PHF20L1: variants seen among roughly 807,000 people sequenced by gnomAD.
PHF20L1 encodes the protein PHD finger protein 20-like protein 1.
PHF20L1 carries 44 observed loss-of-function variants against 125.5 expected under a neutral mutation model. The observed-to-expected ratio is 0.35, with a 90% CI of 0.28 to 0.45. The LOEUF (loss-of-function observed/expected upper bound fraction) is 0.45, where lower values mean the gene tolerates loss of function less well. Ranked by LOEUF, PHF20L1 falls within the 20% of genes least tolerant of loss-of-function variation. The pLI is 1.00. For synonymous variants in PHF20L1, 380 were observed against 403.1 expected (o/e 0.94, Z 0.69); for missense variants, 1,012 against 1,217.2 (o/e 0.83, Z 2.51).
At chr8:132,782,080 C>T (rs1256682364) in intron 2 of PHF20L1, among the ~76,000 whole-genome samples, 1 of 152,224 alleles carries the variant, frequency 6.6e-6, no homozygotes, top group Non-Finnish European at 1.5e-5. Flanking sequence ...TTTTTCACCA[C>T]AAACTCTGTG....
chr8:132,808,241 A>G (rs1833958984), intron 8 of PHF20L1: 1 of 152,360 alleles, frequency 6.6e-6, no homozygotes, highest in Middle Eastern at 3.2e-3. Flanking sequence ...GTTTTTCTTA[A>G]GTCTCATTAC....
Position 132,839,388 on chromosome 8 carries a change from T to G in PHF20L1, c.2193T>G (p.Gly731=). The G allele has an allele frequency of 6.2e-6, 10 of 1,609,556 alleles. No individual in the cohort carries two copies. The highest frequency in any genetic ancestry group is 7.7e-6 in the Non-Finnish European group (9 of 1,176,222). The change falls in exon 18 of 21, where the codon GGT becomes GGG. Residue 731 remains glycine, a splice_region_variant and synonymous_variant. Coordinates refer to ENST00000395386, the MANE Select transcript of PHF20L1 (RefSeq NM_016018.5). ...YICYICRDPP[G]QRWSAKYRYD... ...ATTTAATATCAACTTCATCTGCAGG[T>G]CAGAGGTGGAGTGCAAAATATCGTT...
intron 12 of PHF20L1, among the ~76,000 whole-genome samples, chr8:132,821,689 A>G (rs1835618331): frequency 1.3e-5 from 2 of 151,938 alleles, no homozygotes; most frequent in Admixed American, 1.3e-4. Flanking sequence ...GCATACCAGA[A>G]GAGGCTTGAG....
intron 14 of PHF20L1, among the ~76,000 whole-genome samples, chr8:132,828,197 A>G (rs1836398315): frequency 1.3e-5 from 2 of 152,010 alleles, no homozygotes. Context: ...TTACCACTCA[A>G]CATTATTTTA....
chr8:132,839,342 GAGTA>G, intron 17 of PHF20L1, 41 bp from the exon 18 acceptor site: 1 of 1,456,036 alleles, frequency 6.9e-7, no homozygotes, highest in Non-Finnish European at 9.6e-7. Flanking sequence ...TGAAAAATCC[GAGTA>G]AGTGCAGTCC....
At chr8:132,802,735 C>T (rs1016280326) in intron 6 of PHF20L1, among the ~76,000 whole-genome samples, 1 of 151,776 alleles carries the variant, frequency 6.6e-6, no homozygotes, top group Non-Finnish European at 1.5e-5. Context: ...TTATTGTTTT[C>T]ACCATATATT....
intron 12 of PHF20L1, among the ~76,000 whole-genome samples, chr8:132,821,548 A>G (rs1186594687): frequency 6.6e-6 from 1 of 151,984 alleles, no homozygotes; most frequent in Non-Finnish European, 1.5e-5. Flanking sequence ...CGTTCAAAAC[A>G]AAACTACAGC....
intron 14 of PHF20L1, among the ~76,000 whole-genome samples, chr8:132,827,535 G>C (rs1220973123): frequency 6.6e-6 from 1 of 151,976 alleles, no homozygotes; most frequent in Non-Finnish European, 1.5e-5. Context: ...CTGTGAAAGT[G>C]GGGAAAAAGA....
In PHF20L1 at chr8:132,786,857, C is replaced by G. The variant is rs568331461; in HGVS notation, c.84-7553C>G. Among the ~76,000 whole-genome samples the G allele has an allele frequency of 7.9e-5, 12 of 152,082 alleles. 1 individual carries two copies. The South Asian group carries it at 8.3e-4, about 11-fold the overall frequency. On this transcript the variant is annotated intron_variant, in intron 2 of 20. Coordinates refer to ENST00000395386, the MANE Select transcript of PHF20L1 (RefSeq NM_016018.5). ...TAATCATAACAATAACATGAACATTCGTTATTTTAAGAAGGTAGAGCCAAA... is the reference window on the plus strand; with the variant it reads ...TAATCATAACAATAACATGAACATTGGTTATTTTAAGAAGGTAGAGCCAAA...
chr8:132,843,059 T>G (rs1405087258), intron 19 of PHF20L1, 184 bp downstream of exon 19: 7 of 1,330,916 alleles, frequency 5.3e-6, no homozygotes, highest in Non-Finnish European at 6.7e-6. Flanking sequence ...GAACATTTGA[T>G]TATCTCCTAA....
chr8:132,811,191 TA>T, intron 9 of PHF20L1, 63 bp downstream of exon 9: 1 of 1,603,296 alleles, frequency 6.2e-7, no homozygotes, highest in Non-Finnish European at 8.5e-7. Flanking sequence ...GGAGCTCTAG[TA>T]TCTACGTAAT....
intron 19 of PHF20L1, chr8:132,843,373 C>A: frequency 1.0e-6 from 1 of 978,236 alleles, no homozygotes; most frequent in Non-Finnish European, 1.2e-6. Flanking sequence ...ATTTCCTGTT[C>A]ACTGGGATTA....
At chr8:132,830,607 A>T (rs1014072421) in intron 14 of PHF20L1, among the ~76,000 whole-genome samples, 1 of 151,776 alleles carries the variant, frequency 6.6e-6, no homozygotes, top group Non-Finnish European at 1.5e-5. Flanking sequence ...CCTTTTCCTC[A>T]CAGAGTTGAG....
chr8:132,812,213 A>G (rs1281446234), intron 9 of PHF20L1: 12 of 979,246 alleles, frequency 1.2e-5, no homozygotes, highest in Non-Finnish European at 1.3e-5. Context: ...ACTATATTCA[A>G]CGTCCCAGAT....
rs79739885 is a variant in PHF20L1 at position 132,832,353 on chromosome 8, C to T, written c.1863C>T (p.Thr621=). The T allele has an allele frequency of 2.7e-3, 4,360 of 1,612,166 alleles. 121 individuals are homozygous for T. The East Asian group carries it at 0.069, about 25-fold the overall frequency. Reference sequence around the variant, plus strand: ...GCATGTTTACGGAGAAAACTACAACCTATCAGTACCCAAGGGCAATTCTAT... The same window carrying T: ...GCATGTTTACGGAGAAAACTACAACTTATCAGTACCCAAGGGCAATTCTAT... ...SRSMFTEKTT[T]YQYPRAILSV... is the part of the protein sequence containing the mutation. The change falls in exon 15 of 21, where the codon ACC becomes ACT. Residue 621 remains threonine (T), a synonymous_variant. Transcript: ENST00000395386.
chr8:132,783,363 G>A (rs1224964695), intron 2 of PHF20L1, among the ~76,000 whole-genome samples: 1 of 152,154 alleles, frequency 6.6e-6, no homozygotes, highest in Non-Finnish European at 1.5e-5. Flanking sequence ...TTGCAAATGT[G>A]AGTTTTTAAG....
At chr8:132,779,585 G>A (rs1007007429) in intron 2 of PHF20L1, among the ~76,000 whole-genome samples, 3 of 152,040 alleles carry the variant, frequency 2.0e-5, no homozygotes, top group African/African-American at 7.2e-5. Context: ...CCCAACTGAC[G>A]GTGTTGCAGT....
In PHF20L1 at chr8:132,815,010, G is replaced by T. The variant is rs139006321; in HGVS notation, c.1183+121G>T. The T allele has an allele frequency of 7.4e-4, 515 of 692,156 alleles. 1 individual carries two copies. The highest frequency in any genetic ancestry group is 2.1e-3 in the Middle Eastern group (5 of 2,414). 42.9% of individuals were successfully genotyped at this position (692,156 alleles called of 1,614,324 possible). A position where few individuals can be genotyped will look rare whatever the true frequency, so the allele number is the denominator to read the frequency against. ...TTAAAAACTCAAGTGGATATGATAGGGAAGGCTTGAAACTATTTCAGGGGC... is the reference window on the plus strand; with the variant it reads ...TTAAAAACTCAAGTGGATATGATAGTGAAGGCTTGAAACTATTTCAGGGGC... On this transcript the variant is annotated intron_variant, in intron 10 of 20. Transcript: ENST00000395386.
Position 132,794,471 on chromosome 8 carries a change from C to G in PHF20L1, c.145C>G (p.Arg49Gly), listed in dbSNP as rs747048371. The change falls in exon 3 of 21, where the codon CGC becomes GGC. Residue 49 changes from arginine (R) to glycine (G), a missense_variant. This residue lies in a region of PHF20L1 where 94 missense variants were observed against 179.5 expected (regional missense o/e 0.52). Coordinates refer to ENST00000395386, the MANE Select transcript of PHF20L1 (RefSeq NM_016018.5). ...EEGKMLVHFE[R>G]WSHRYDEWIY... ...GGGCAAGATGTTGGTCCATTTTGAG[C>G]GCTGGAGTCATCGTTATGATGAGTG... is the stretch of plus-strand genomic sequence containing the variant. 2 of 1,610,676 alleles carry G rather than the reference C, an allele frequency of 1.2e-6. No homozygotes were observed. The highest frequency in any genetic ancestry group is 1.7e-6 in the Non-Finnish European group (2 of 1,177,126).
Sources: gnomAD v4.1 joint callset for allele counts (sites outside exome capture counted in the v4.1 genomes callset) on GRCh38, gnomAD v4.1.1 for gene constraint, gnomAD v4.1.1 regional missense constraint, MANE v1.5 for transcripts, NCBI Gene and HGNC (gene_info 2026-07-23, HGNC 2026-07-21) for gene names.